The following ST8SIA4 variants were observed in gnomAD, a reference collection of about 807,000 sequenced individuals.
ST8SIA4 encodes CMP-N-acetylneuraminate-poly-alpha-2,8-sialyltransferase.
In ST8SIA4, 15 loss-of-function variants were observed where a neutral mutation model predicts 33.9. The observed-to-expected ratio is 0.44, with a 90% CI of 0.30 to 0.68. ST8SIA4 has a LOEUF of 0.68. ST8SIA4 is among the 30% of genes least tolerant of loss of function. The pLI is 0.10. For synonymous variants in ST8SIA4, 171 were observed against 151.2 expected, an observed-to-expected ratio of 1.13 and a Z score of -0.96; for missense variants, 321 against 428.0, an observed-to-expected ratio of 0.75 and a Z score of 2.21.
intron 4 of ST8SIA4, chr5:100,849,592 C>G (rs115062070): frequency 3.2e-6 from 1 of 310,372 alleles, no homozygotes; most frequent in African/African-American, 2.3e-5. Context: ...AGCAGCCTGG[C>G]CAACATGGTG....
chr5:100,807,287 CAG>C lies in ST8SIA4; in HGVS notation c.*4558_*4559del, dbSNP rs766842055. The C allele has an allele frequency of 6.6e-6, 1 of 152,410 alleles. No homozygotes were observed. The highest frequency in any genetic ancestry group is 1.5e-5 in the Non-Finnish European group (1 of 67,934). The allele number at this position is 152,410 out of a possible 1,614,324, so 9.4% of individuals were successfully genotyped here. On this transcript the variant is annotated 3_prime_UTR_variant, in exon 5 of 5. Transcript: ENST00000231461. ...TTGCTATACACAAACAATAAGAAAA[CAG>C]TGTTGAACAGAATGAACTTGAACTT...
At position 100,809,339 on chromosome 5, in the gene ST8SIA4, A is replaced by G. The variant is rs963786467; in HGVS notation, c.*2508T>C. The G allele has an allele frequency of 6.6e-6, 1 of 150,844 alleles. No homozygotes were observed. The highest frequency in any genetic ancestry group is 1.5e-5 in the Non-Finnish European group (1 of 67,830). The allele number at this position is 150,844 out of a possible 1,614,324, so 9.3% of individuals were successfully genotyped here. On this transcript the variant is annotated 3_prime_UTR_variant, in exon 5 of 5. Coordinates refer to ENST00000231461, the MANE Select transcript of ST8SIA4 (RefSeq NM_005668.6). The stretch of plus-strand genomic sequence containing the variant: ...GTGGTGGGCGCCTGTAACCCCAGCT[A>G]CTTGGGAGGCTGAGGCACGAGAATC...
intron 4 of ST8SIA4, among the ~76,000 whole-genome samples, chr5:100,821,743 A>G (rs1751034659): frequency 6.6e-6 from 1 of 152,254 alleles, no homozygotes; most frequent in Non-Finnish European, 1.5e-5. Context: ...TAAGATAGCC[A>G]TAAGCAAATT....
In ST8SIA4 at chr5:100,891,471, C is replaced by T. The variant is rs376380057; in HGVS notation, c.245+4183G>A. Among the ~76,000 whole-genome samples the T allele has an allele frequency of 8.0e-4, 122 of 152,040 alleles. 3 individuals carry two copies. In the South Asian group the frequency reaches 0.024, roughly 30 times the overall value. On this transcript the variant is annotated intron_variant, in intron 2 of 4. Transcript: ENST00000231461. ...GTCTTAAAGCTCTGGAAGAATAAAA[C>T]GTTTAACTGTACCTTATTTAGGATT... is the stretch of plus-strand genomic sequence containing the variant.
Position 100,895,719 on chromosome 5 carries a change from G to T in ST8SIA4, c.180C>A (p.Gly60=). ...NSSDKIIRKA[G]SSIFQHNVEG... Reference sequence around the variant, plus strand: ...CTACATTGTGCTGGAAGATTGAAGAGCCAGCCTTTCGAATGATTTTATCAG... The same window carrying T: ...CTACATTGTGCTGGAAGATTGAAGATCCAGCCTTTCGAATGATTTTATCAG... Residue 60 remains glycine, a synonymous_variant, in exon 2 of 5, where the codon GGC becomes GGA. Transcript: ENST00000231461. The T allele has an allele frequency of 6.2e-7, 1 of 1,612,862 alleles. No homozygotes were observed. Among genetic ancestry groups the T allele is most frequent in the Non-Finnish European group, 8.5e-7 (1 of 1,179,106 alleles).
At chr5:100,882,506 G>A (rs1345153082) in intron 3 of ST8SIA4, among the ~76,000 whole-genome samples, 1 of 152,188 alleles carries the variant, frequency 6.6e-6, no homozygotes, top group Non-Finnish European at 1.5e-5. Context: ...CTATTTTCTG[G>A]GGAGAAATTC....
intron 4 of ST8SIA4, among the ~76,000 whole-genome samples, chr5:100,822,994 G>T (rs1751061437): frequency 6.6e-6 from 1 of 152,128 alleles, no homozygotes. Context: ...AGCCGGGCGT[G>T]GTGGCGGGCG....
intron 4 of ST8SIA4, among the ~76,000 whole-genome samples, chr5:100,844,302 C>G (rs1328719847): frequency 1.3e-5 from 2 of 151,910 alleles, no homozygotes; most frequent in Non-Finnish European, 2.9e-5. Context: ...CATATATCAA[C>G]CACCATGTAT....
intron 2 of ST8SIA4, among the ~76,000 whole-genome samples, chr5:100,892,581 A>G (rs1023901847): frequency 1.3e-5 from 2 of 152,152 alleles, no homozygotes; most frequent in African/African-American, 4.8e-5. Flanking sequence ...GTTGAAAATC[A>G]TATCCACAAA....
At chr5:100,891,642 G>A (rs1752668696) in intron 2 of ST8SIA4, among the ~76,000 whole-genome samples, 1 of 151,964 alleles carries the variant, frequency 6.6e-6, no homozygotes, top group Non-Finnish European at 1.5e-5. Context: ...TTGATATTTG[G>A]TCCAGAATTT....
chr5:100,844,397 TAAAC>T (rs1561391882), intron 4 of ST8SIA4, among the ~76,000 whole-genome samples: 1 of 151,870 alleles, frequency 6.6e-6, no homozygotes, highest in African/African-American at 2.4e-5. Context: ...TACTAACACA[TAAAC>T]AAGAAATCTC....
At chr5:100,817,233 C>T (rs532063879) in intron 4 of ST8SIA4, among the ~76,000 whole-genome samples, 32 of 144,742 alleles carry the variant, frequency 2.2e-4, no homozygotes, top group Admixed American at 5.2e-4. Flanking sequence ...TCCCAAAGTG[C>T]TAGGATTACA....
chr5:100,874,118 A>G (rs768761375), intron 3 of ST8SIA4, among the ~76,000 whole-genome samples: 16 of 152,302 alleles, frequency 1.1e-4, no homozygotes, highest in Non-Finnish European at 2.2e-4. Flanking sequence ...TGTATGAGGG[A>G]ATCTTTCTAA....
chr5:100,886,703 C>A lies in ST8SIA4; in HGVS notation c.246-103G>T, dbSNP rs955139380. On this transcript the variant is annotated intron_variant, in intron 2 of 4. Transcript: ENST00000231461. Reference sequence around the variant, plus strand: ...TTAAGACAAAATACAAATTGGCAAACTATTAATCTTAGATTACCAAATTGG... The same window carrying A: ...TTAAGACAAAATACAAATTGGCAAAATATTAATCTTAGATTACCAAATTGG... 1.5e-5 allele frequency: 14 copies of A among 944,408 alleles called. No homozygotes were observed. In the African/African-American group the frequency reaches 2.3e-4, roughly 16 times the overall value. 58.5% of individuals were successfully genotyped at this position (944,408 alleles called of 1,614,324 possible).
intron 3 of ST8SIA4, among the ~76,000 whole-genome samples, chr5:100,866,883 C>T (rs936289105): frequency 7.9e-5 from 12 of 152,076 alleles, no homozygotes; most frequent in African/African-American, 2.9e-4. Flanking sequence ...GTGAAAAATA[C>T]GTCATTAAAC....
chr5:100,863,765 G>A (rs1751999178), intron 3 of ST8SIA4, among the ~76,000 whole-genome samples: 1 of 152,254 alleles, frequency 6.6e-6, no homozygotes, highest in African/African-American at 2.4e-5. Context: ...TTATTTAAAT[G>A]TAATCTAAAA....
intron 4 of ST8SIA4, among the ~76,000 whole-genome samples, chr5:100,840,699 A>G (rs911037452): frequency 2.6e-5 from 4 of 151,548 alleles, no homozygotes; most frequent in African/African-American, 9.7e-5. Flanking sequence ...ACATTTTTGG[A>G]GCTTTCTGTC....
intron 3 of ST8SIA4, among the ~76,000 whole-genome samples, chr5:100,866,884 G>A (rs761978106): frequency 7.2e-5 from 11 of 151,964 alleles, no homozygotes; most frequent in East Asian, 5.8e-4. Context: ...TGAAAAATAC[G>A]TCATTAAACT....
intron 3 of ST8SIA4, among the ~76,000 whole-genome samples, chr5:100,882,498 A>G (rs765778870): frequency 5.3e-5 from 8 of 152,210 alleles, no homozygotes; most frequent in Non-Finnish European, 1.0e-4. Flanking sequence ...ATAAAAACCT[A>G]TTTTCTGGGG....
Sources: gnomAD v4.1 joint callset for allele counts (sites outside exome capture counted in the v4.1 genomes callset) on GRCh38, gnomAD v4.1.1 for gene constraint, MANE v1.5 for transcripts, NCBI Gene and HGNC (gene_info 2026-07-23, HGNC 2026-07-21) for gene names.